Variants in PCDH17 observed in about 807,000 individuals in gnomAD.
The protein encoded by PCDH17 is protocadherin 17.
PCDH17 carries 21 observed loss-of-function variants against 67.7 expected under a neutral mutation model. The observed-to-expected ratio is 0.31, with a 90% CI of 0.22 to 0.45. PCDH17 has a LOEUF of 0.45. Among genes scored for constraint, PCDH17 ranks in the 20% least tolerant of loss-of-function variants. PCDH17 has a pLI of 1.00. For synonymous variants in PCDH17, 701 were observed against 656.7 expected (o/e 1.07, Z -1.03); for missense variants, 1,471 against 1,564.8 (o/e 0.94, Z 1.01).
In PCDH17 at chr13:57,724,043, C is replaced by T. The variant is rs537304455; in HGVS notation, c.2798-569C>T. On this transcript the variant is annotated intron_variant, in intron 3 of 3. Coordinates refer to ENST00000377918, the MANE Select transcript of PCDH17 (RefSeq NM_001040429.3). Reference sequence around the variant, plus strand: ...CTTTTTGACAAGCTTATTCATAATACGTCCTGATAAAAAATTCCATTTGCC... The same window carrying T: ...CTTTTTGACAAGCTTATTCATAATATGTCCTGATAAAAAATTCCATTTGCC... 6.3e-4 allele frequency among the ~76,000 whole-genome samples: 96 copies of T among 152,190 alleles called. 1 individual carries two copies. The highest frequency in any genetic ancestry group is 2.2e-3 in the African/African-American group (92 of 41,532).
intron 1 of PCDH17, among the ~76,000 whole-genome samples, chr13:57,650,082 C>CT (rs1211824995): frequency 6.6e-6 from 1 of 152,012 alleles, no homozygotes; most frequent in South Asian, 2.1e-4. Context: ...ACAAAAGTGT[C>CT]TAACACACCA....
At chr13:57,690,994 T>C (rs1955553482) in intron 3 of PCDH17, among the ~76,000 whole-genome samples, 2 of 151,478 alleles carry the variant, frequency 1.3e-5, no homozygotes, top group Non-Finnish European at 3.0e-5. Flanking sequence ...TTAAATTACA[T>C]GCATTTGAGT....
intron 3 of PCDH17, among the ~76,000 whole-genome samples, chr13:57,701,633 A>G (rs564651579): frequency 5.9e-5 from 9 of 152,246 alleles, no homozygotes; most frequent in African/African-American, 2.2e-4. Context: ...TTCAGAAAAA[A>G]TGTGCCAGGT....
At chr13:57,662,762 T>A (rs1308955217) in intron 1 of PCDH17, among the ~76,000 whole-genome samples, 2 of 152,188 alleles carry the variant, frequency 1.3e-5, no homozygotes, top group Non-Finnish European at 2.9e-5. Flanking sequence ...TGATTTTTAA[T>A]ATCATTTATA....
At chr13:57,670,106 A>G (rs1480195899) in intron 3 of PCDH17, among the ~76,000 whole-genome samples, 1 of 152,062 alleles carries the variant, frequency 6.6e-6, no homozygotes, top group African/African-American at 2.4e-5. Flanking sequence ...AATTTAAAAA[A>G]TACATTCAAA....
chr13:57,647,501 T>A (rs1954979213), intron 1 of PCDH17, among the ~76,000 whole-genome samples: 1 of 151,790 alleles, frequency 6.6e-6, no homozygotes, highest in Non-Finnish European at 1.5e-5. Flanking sequence ...CATGGTGATA[T>A]TTATCACCAG....
At chr13:57,698,630 G>A (rs944651866) in intron 3 of PCDH17, among the ~76,000 whole-genome samples, 16 of 151,860 alleles carry the variant, frequency 1.1e-4, no homozygotes, top group Middle Eastern at 3.4e-3. Context: ...TACCTATTCC[G>A]CAGAAATCAT....
intron 3 of PCDH17, among the ~76,000 whole-genome samples, chr13:57,675,369 C>T (rs1200519499): frequency 6.6e-6 from 1 of 151,894 alleles, no homozygotes; most frequent in African/African-American, 2.4e-5. Context: ...TATTCATTCA[C>T]TGTTTTAAAA....
chr13:57,660,287 T>C (rs1267647676), intron 1 of PCDH17, among the ~76,000 whole-genome samples: 1 of 152,120 alleles, frequency 6.6e-6, no homozygotes, highest in Admixed American at 6.6e-5. Flanking sequence ...ATCTGTTGCT[T>C]GGATTTGATG....
intron 3 of PCDH17, among the ~76,000 whole-genome samples, chr13:57,699,534 C>G (rs1238996642): frequency 6.6e-6 from 1 of 151,836 alleles, no homozygotes; most frequent in Admixed American, 6.6e-5. Flanking sequence ...CCTTTTTATC[C>G]TTCTTTTGTT....
intron 1 of PCDH17, among the ~76,000 whole-genome samples, chr13:57,662,348 T>A (rs895659169): frequency 6.6e-6 from 1 of 152,240 alleles, no homozygotes; most frequent in African/African-American, 2.4e-5. Context: ...CATACATTAT[T>A]TGGGGATCCA....
chr13:57,646,581 C>A (rs1295394617), intron 1 of PCDH17, among the ~76,000 whole-genome samples: 1 of 151,444 alleles, frequency 6.6e-6, no homozygotes, highest in Non-Finnish European at 1.5e-5. Flanking sequence ...AGTTTTCAAA[C>A]ATATTAAAAA....
intron 1 of PCDH17, among the ~76,000 whole-genome samples, chr13:57,646,337 A>G (rs578131125): frequency 6.6e-6 from 1 of 151,796 alleles, no homozygotes; most frequent in East Asian, 1.9e-4. Flanking sequence ...TGTTTAATCT[A>G]TAATTATTAA....
chr13:57,690,037 C>T (rs1436163421), intron 3 of PCDH17, among the ~76,000 whole-genome samples: 1 of 151,706 alleles, frequency 6.6e-6, no homozygotes, highest in African/African-American at 2.4e-5. Flanking sequence ...ACAATGACTC[C>T]ATAGGAAGTT....
upstream of PCDH17, among the ~76,000 whole-genome samples, chr13:57,630,323 A>G (rs1428737034): frequency 6.6e-6 from 1 of 151,872 alleles, no homozygotes; most frequent in Non-Finnish European, 1.5e-5. Context: ...CCAGACTGAA[A>G]GAGACCACCC....
chr13:57,714,691 A>G (rs1368141455), intron 3 of PCDH17, among the ~76,000 whole-genome samples: 1 of 151,758 alleles, frequency 6.6e-6, no homozygotes, highest in Non-Finnish European at 1.5e-5. Flanking sequence ...CTGCATATAA[A>G]TCAGGTTCTT....
chr13:57,681,150 G>A (rs1462463285), intron 3 of PCDH17, among the ~76,000 whole-genome samples: 2 of 151,666 alleles, frequency 1.3e-5, no homozygotes, highest in African/African-American at 2.4e-5. Flanking sequence ...TCATTTTGAT[G>A]CCTTTAGGAG....
rs1955577274 is a variant in PCDH17, at chr13:57,693,332, A to ATATATATATATATG, written c.2797+26512_2797+26513insGTATATATATATAT. Reference sequence around the variant, plus strand: ...CTTACATTCATATATATATATATATATATATATATATATCAAGGAGTTAGG... The same window carrying ATATATATATATATG: ...CTTACATTCATATATATATATATATATATATATATATATGTATATATATATATCAAGGAGTTAGG... On this transcript the variant is annotated intron_variant, in intron 3 of 3. Coordinates refer to ENST00000377918, the MANE Select transcript of PCDH17 (RefSeq NM_001040429.3). Among the ~76,000 whole-genome samples the ATATATATATATATG allele has an allele frequency of 2.1e-5, 3 of 141,442 alleles. No homozygotes were observed. In the Admixed American group the frequency reaches 2.1e-4, roughly 10 times the overall value. 92.8% of individuals were successfully genotyped at this position (141,442 alleles called of 152,430 possible).
intron 1 of PCDH17, among the ~76,000 whole-genome samples, chr13:57,660,603 A>G (rs1328265236): frequency 6.6e-6 from 1 of 152,172 alleles, no homozygotes; most frequent in Non-Finnish European, 1.5e-5. Flanking sequence ...CTGTTCATAC[A>G]TGTGTAGTTT....
Sources: allele counts gnomAD v4.1 joint callset (sites outside exome capture counted in the v4.1 genomes callset), GRCh38; gene constraint gnomAD v4.1.1; transcripts MANE v1.5; gene names NCBI Gene and HGNC (gene_info 2026-07-23, HGNC 2026-07-21).